The following FGF10 variants were observed in gnomAD, a reference collection of about 807,000 sequenced individuals.
FGF10 encodes FGF-10.
FGF10 carries 2 observed loss-of-function variants against 19.8 expected under a neutral mutation model. The observed-to-expected ratio is 0.10, with a 90% CI of 0.04 to 0.32. The LOEUF is 0.32. FGF10 is among the 10% of genes least tolerant of loss of function. The pLI is 1.00. For synonymous variants in FGF10, 112 were observed against 94.0 expected (o/e 1.19, Z -1.10); for missense variants, 191 against 246.3 (o/e 0.78, Z 1.50).
chr5:44,383,742 C>T (rs1046446197), intron 1 of FGF10, among the ~76,000 whole-genome samples: 3 of 152,068 alleles, frequency 2.0e-5, no homozygotes, highest in Non-Finnish European at 4.4e-5. Flanking sequence ...CTTCCACCTT[C>T]ATAAATCCTC....
rs146056889 is a variant in FGF10, at chr5:44,331,789, T to C, written c.326-21259A>G. On this transcript the variant is annotated intron_variant, in intron 1 of 2. Coordinates refer to ENST00000264664, the MANE Select transcript of FGF10 (RefSeq NM_004465.2). ...TTACCAGCCGGCTGTTAATAACACA[T>C]AACCAAAGATCATCGAGAGCAGAAA... is the stretch of plus-strand genomic sequence containing the variant. Among the ~76,000 whole-genome samples, 3 of 152,146 alleles carry C rather than the reference T, an allele frequency of 2.0e-5. No individual in the cohort carries two copies. In the East Asian group the frequency reaches 5.8e-4, roughly 29 times the overall value.
At chr5:44,331,489 C>A (rs574350667) in intron 1 of FGF10, among the ~76,000 whole-genome samples, 1 of 152,222 alleles carries the variant, frequency 6.6e-6, no homozygotes, top group South Asian at 2.1e-4. Flanking sequence ...AAATTTTTCT[C>A]AAGCAATTTT....
rs1006090426 is a variant in FGF10, at chr5:44,302,693, T to C, written c.*2302A>G. Among the ~76,000 whole-genome samples the C allele has an allele frequency of 6.6e-6, 1 of 152,124 alleles. No homozygotes were observed. The highest frequency in any genetic ancestry group is 2.4e-5 in the African/African-American group (1 of 41,442). On this transcript the variant is annotated 3_prime_UTR_variant, in exon 3 of 3. Coordinates refer to ENST00000264664, the MANE Select transcript of FGF10 (RefSeq NM_004465.2). ...TTTTTGTCTTTCTGTGAGGGAAATG[T>C]GGGAGAGACAGGGAGATGTTTTCTA...
intron 2 of FGF10, among the ~76,000 whole-genome samples, chr5:44,305,402 A>G (rs927245039): frequency 1.3e-5 from 2 of 152,192 alleles, no homozygotes; most frequent in African/African-American, 4.8e-5. Flanking sequence ...ATACATTTTA[A>G]TTGATCATCA....
At chr5:44,330,497 C>G (rs1740707382) in intron 1 of FGF10, among the ~76,000 whole-genome samples, 1 of 152,160 alleles carries the variant, frequency 6.6e-6, no homozygotes, top group Admixed American at 6.6e-5. Flanking sequence ...CAATTTGCCT[C>G]TGTTTCAGAA....
intron 1 of FGF10, among the ~76,000 whole-genome samples, chr5:44,379,581 C>G (rs990230503): frequency 2.0e-5 from 3 of 152,158 alleles, no homozygotes; most frequent in Non-Finnish European, 2.9e-5. Flanking sequence ...CATACCTCCT[C>G]TTTAGCAGGA....
At chr5:44,357,439 T>C in intron 1 of FGF10, among the ~76,000 whole-genome samples, 1 of 151,510 alleles carries the variant, frequency 6.6e-6, no homozygotes, top group East Asian at 1.9e-4. Context: ...ATCAGAGAAA[T>C]GGATGGAATT....
chr5:44,358,154 G>T (rs1741392473), intron 1 of FGF10, among the ~76,000 whole-genome samples: 1 of 151,468 alleles, frequency 6.6e-6, no homozygotes, highest in South Asian at 2.1e-4. Flanking sequence ...GATTCTACAT[G>T]GCAGAAGTTC....
At chr5:44,332,923 A>C (rs891185822) in intron 1 of FGF10, among the ~76,000 whole-genome samples, 12 of 151,990 alleles carry the variant, frequency 7.9e-5, no homozygotes, top group Non-Finnish European at 1.6e-4. Flanking sequence ...TGAAGAAGGA[A>C]TTAAATCCAC....
Position 44,388,658 on chromosome 5 carries a change from A to AG in FGF10, c.24_25insC (p.Cys9LeufsTer85). The AG allele has an allele frequency of 6.2e-7, 1 of 1,614,072 alleles. No individual in the cohort carries two copies. The highest frequency in any genetic ancestry group is 8.5e-7 in the Non-Finnish European group (1 of 1,180,002). On this transcript the variant is annotated frameshift_variant, in exon 1 of 3. Transcript: ENST00000264664. LOFTEE classifies it high-confidence loss of function. ...GGCAGGTGGGGAAAGGCTGAGGCAC[A>AG]ATGTGTCAGTATCCATTTCCACATT... is the stretch of plus-strand genomic sequence containing the variant.
At chr5:44,316,618 A>G (rs1164059018) in intron 1 of FGF10, among the ~76,000 whole-genome samples, 1 of 152,214 alleles carries the variant, frequency 6.6e-6, no homozygotes, top group Non-Finnish European at 1.5e-5. Flanking sequence ...GCAAAAAAGC[A>G]TTGACAGAAC....
chr5:44,317,992 T>C (rs1040694553), intron 1 of FGF10, among the ~76,000 whole-genome samples: 13 of 152,114 alleles, frequency 8.5e-5, no homozygotes, highest in African/African-American at 3.1e-4. Context: ...TCGCTAGTTT[T>C]GGGTAAAATA....
In FGF10 at chr5:44,386,033, T is replaced by G. The variant is rs187993383; in HGVS notation, c.325+2325A>C. On this transcript the variant is annotated intron_variant, in intron 1 of 2. Transcript: ENST00000264664. The stretch of plus-strand genomic sequence containing the variant: ...ACCATATAAGATATTTAGCTTGTCA[T>G]TATAACAAGTAATATATGTTATCAC... 3.4e-3 allele frequency among the ~76,000 whole-genome samples: 518 copies of G among 152,288 alleles called. 1 individual carries two copies. The highest frequency in any genetic ancestry group is 4.8e-3 in the Non-Finnish European group (325 of 67,990).
intron 1 of FGF10, among the ~76,000 whole-genome samples, chr5:44,367,389 T>A (rs1741642534): frequency 6.6e-6 from 1 of 152,064 alleles, no homozygotes; most frequent in African/African-American, 2.4e-5. Flanking sequence ...CCTCTAGCTA[T>A]AAAGTTTAAT....
At chr5:44,314,772 C>T (rs1427051474) in intron 1 of FGF10, among the ~76,000 whole-genome samples, 3 of 152,082 alleles carry the variant, frequency 2.0e-5, no homozygotes, top group Non-Finnish European at 4.4e-5. Flanking sequence ...ACCTATTGTC[C>T]CCCTAGCAAT....
chr5:44,310,718 C>A (rs17234513), intron 1 of FGF10, among the ~76,000 whole-genome samples, 188 bp from the exon 2 acceptor site: 105 of 152,114 alleles, frequency 6.9e-4, no homozygotes, highest in African/African-American at 2.5e-3. Context: ...CAAGTATTTC[C>A]AGCAAATATA....
chr5:44,304,980 A>G lies in FGF10; in HGVS notation c.*15T>C. ...GAGCCATTGGTTCTACTGCATCCAC[A>G]AACGTTGCCTTCCTCTATGAGTGTA... On this transcript the variant is annotated 3_prime_UTR_variant, in exon 3 of 3. Coordinates refer to ENST00000264664, the MANE Select transcript of FGF10 (RefSeq NM_004465.2). The G allele has an allele frequency of 6.2e-7, 1 of 1,613,454 alleles. No individual in the cohort carries two copies.
chr5:44,367,998 A>AT (rs201591578), intron 1 of FGF10, among the ~76,000 whole-genome samples: 11 of 152,122 alleles, frequency 7.2e-5, no homozygotes, highest in South Asian at 2.1e-4. Flanking sequence ...GGAAACAAGG[A>AT]TTTTTTTATA....
At chr5:44,355,158 AATGGGGTAGGAAAGAAGACAATTTG>A (rs1171979586) in intron 1 of FGF10, among the ~76,000 whole-genome samples, 1 of 151,470 alleles carries the variant, frequency 6.6e-6, no homozygotes, top group East Asian at 1.9e-4. Flanking sequence ...GAGTTGGAAA[AATGGGGTAGGAAAGAAGACAATTTG>A]ATTCACCAAG....
Sources: gnomAD v4.1 joint callset for allele counts (sites outside exome capture counted in the v4.1 genomes callset) on GRCh38, gnomAD v4.1.1 for gene constraint, MANE v1.5 for transcripts, NCBI Gene and HGNC (gene_info 2026-07-23, HGNC 2026-07-21) for gene names.